Variants in GLG1 observed in about 807,000 individuals in gnomAD.
The protein encoded by GLG1 is Golgi apparatus protein 1.
GLG1 carries 38 observed loss-of-function variants against 160.5 expected under a neutral mutation model. The observed-to-expected ratio is 0.24, with a 90% confidence interval of 0.18 to 0.31. The LOEUF (loss-of-function observed/expected upper bound fraction) is 0.31. GLG1 is among the 10% of genes least tolerant of loss of function. The pLI, the probability that GLG1 is intolerant of heterozygous loss-of-function variation, is 1.00. For missense variants in GLG1, 1,373 were observed against 1,505.2 expected (o/e 0.91, Z 1.45); for synonymous variants, 644 against 543.4 (o/e 1.19, Z -2.57).
intron 1 of GLG1, among the ~76,000 whole-genome samples, chr16:74,552,921 A>T (rs2018242740): frequency 6.6e-6 from 1 of 151,878 alleles, no homozygotes; most frequent in Non-Finnish European, 1.5e-5. Context: ...ACTTTTTTTA[A>T]AAAAAACTTG....
At chr16:74,583,471 C>T (rs1433047738) in intron 1 of GLG1, among the ~76,000 whole-genome samples, 1 of 152,170 alleles carries the variant, frequency 6.6e-6, no homozygotes. Context: ...ACCTCCATCT[C>T]CCGGGTTCAA....
At position 74,471,194 on chromosome 16, in the gene GLG1, G is replaced by T. The variant is rs374414523; in HGVS notation, c.2208C>A (p.Ile736=). 6 of 1,605,760 alleles carry T rather than the reference G, an allele frequency of 3.7e-6. No individual in the cohort carries two copies. The highest frequency in any genetic ancestry group is 2.7e-5 in the African/African-American group (2 of 74,778). The change falls in exon 15 of 26, where the codon ATC becomes ATA. Residue 736 remains isoleucine (I), a synonymous_variant. Coordinates refer to ENST00000422840, the MANE Select transcript of GLG1 (RefSeq NM_001145667.2). ...TGACCAGCTGGAAGTGGGTAACTCC[G>T]ATGGCACACTTCTCGTTCATGTCCT... ...HQKDMNEKCA[I]GVTHFQLVQM...
At chr16:74,516,627 A>G (rs565911042) in intron 2 of GLG1, among the ~76,000 whole-genome samples, 12 of 152,348 alleles carry the variant, frequency 7.9e-5, no homozygotes, top group African/African-American at 2.9e-4. Context: ...TTGACACCCT[A>G]ACATCATAAT....
At chr16:74,551,825 A>G (rs2018206595) in intron 1 of GLG1, among the ~76,000 whole-genome samples, 1 of 152,012 alleles carries the variant, frequency 6.6e-6, no homozygotes, top group African/African-American at 2.4e-5. Flanking sequence ...TATCTTTTTA[A>G]GATACTTTTT....
intron 1 of GLG1, among the ~76,000 whole-genome samples, chr16:74,547,498 A>G (rs578085847): frequency 1.3e-5 from 2 of 152,334 alleles, no homozygotes; most frequent in East Asian, 1.9e-4. Flanking sequence ...TTTCACATTT[A>G]GCATTCTTTT....
intron 1 of GLG1, among the ~76,000 whole-genome samples, chr16:74,600,192 G>C (rs1330805491): frequency 6.6e-6 from 1 of 152,152 alleles, no homozygotes; most frequent in Non-Finnish European, 1.5e-5. Context: ...ATATATTAGA[G>C]AAGTATACCT....
intron 3 of GLG1, among the ~76,000 whole-genome samples, chr16:74,507,600 G>A (rs2016658271): frequency 6.6e-6 from 1 of 152,228 alleles, no homozygotes; most frequent in Admixed American, 6.5e-5. Flanking sequence ...GCCAGTCCTG[G>A]TGGCATGTGC....
chr16:74,521,568 C>A (rs1338352443), intron 2 of GLG1, among the ~76,000 whole-genome samples: 1 of 152,010 alleles, frequency 6.6e-6, no homozygotes, highest in Non-Finnish European at 1.5e-5. Flanking sequence ...ATAGAGGAGC[C>A]ACTAGTGGGG....
chr16:74,529,336 T>C (rs910148952), intron 2 of GLG1, among the ~76,000 whole-genome samples: 1 of 152,116 alleles, frequency 6.6e-6, no homozygotes, highest in African/African-American at 2.4e-5. Context: ...ATTTCTGAAA[T>C]TACATTTAGT....
chr16:74,486,846 G>A (rs2015800890), intron 8 of GLG1, among the ~76,000 whole-genome samples: 1 of 152,050 alleles, frequency 6.6e-6, no homozygotes, highest in South Asian at 2.1e-4. Context: ...AAACTGCAAA[G>A]CATTTTACAG....
intron 1 of GLG1, among the ~76,000 whole-genome samples, chr16:74,567,554 C>CTTTTTTTTTTTTTT (rs869140658): frequency 1.5e-5 from 1 of 66,450 alleles, no homozygotes; most frequent in Non-Finnish European, 2.6e-5. Context: ...GGTGCACTTT[C>CTTTTTTTTTTTTTT]TTTTTTTTTT....
intron 1 of GLG1, among the ~76,000 whole-genome samples, chr16:74,570,420 C>A (rs998645968): frequency 2.6e-5 from 4 of 152,048 alleles, no homozygotes; most frequent in Admixed American, 2.0e-4. Flanking sequence ...TAGGAATAAA[C>A]TGCTCAATAG....
intron 1 of GLG1, among the ~76,000 whole-genome samples, chr16:74,564,405 C>T (rs563101038): frequency 6.6e-6 from 1 of 152,318 alleles, no homozygotes; most frequent in South Asian, 2.1e-4. Context: ...ACTCCAAACT[C>T]TTAGTATTAT....
At chr16:74,552,423 A>C in intron 1 of GLG1, 1 of 553,394 alleles carries the variant, frequency 1.8e-6, no homozygotes, top group Non-Finnish European at 3.6e-6. Context: ...TCTTAAGGCT[A>C]CATGAAGGAA....
intron 19 of GLG1, among the ~76,000 whole-genome samples, chr16:74,464,409 T>A (rs3785312): frequency 0.31 from 47,400 of 152,072 alleles, 7,603 homozygotes; most frequent in Middle Eastern, 0.39. Flanking sequence ...TAGGGTCCTG[T>A]ACACTTACTG....
At chr16:74,583,058 A>G (rs1957972996) in intron 1 of GLG1, among the ~76,000 whole-genome samples, 1 of 151,868 alleles carries the variant, frequency 6.6e-6, no homozygotes, top group Non-Finnish European at 1.5e-5. Context: ...ACTCCTGTAA[A>G]TCTTCTTGTA....
chr16:74,515,775 C>T (rs1247162583), intron 2 of GLG1, among the ~76,000 whole-genome samples: 2 of 151,514 alleles, frequency 1.3e-5, no homozygotes, highest in Non-Finnish European at 2.9e-5. Flanking sequence ...AGAGTCAAGA[C>T]CCATCAGTGT....
rs2016496388 is a variant in GLG1 at position 74,503,676 on chromosome 16, T to C, written c.629A>G (p.Asn210Ser). ...MVSCLVDHRG[N>S]ITEYQCHQYI... Reference sequence around the variant, plus strand: ...CTGGTGACACTGATACTCAGTGATGTTGCCTCGGTGATCCACCAAGCAGGA... The same window carrying C: ...CTGGTGACACTGATACTCAGTGATGCTGCCTCGGTGATCCACCAAGCAGGA... The change falls in exon 4 of 26, where the codon AAC becomes AGC. Residue 210 changes from asparagine (N) to serine (S), a missense_variant. By Grantham distance (46) the Asn-to-Ser change is conservative (BLOSUM62 1). Coordinates refer to ENST00000422840, the MANE Select transcript of GLG1 (RefSeq NM_001145667.2). 6.2e-7 allele frequency: 1 copy of C among 1,612,840 alleles called. No homozygotes were observed. The highest frequency in any genetic ancestry group is 1.7e-5 in the Admixed American group (1 of 60,006).
intron 1 of GLG1, among the ~76,000 whole-genome samples, chr16:74,594,343 A>T (rs1433196070): frequency 2.6e-5 from 4 of 152,240 alleles, no homozygotes; most frequent in Non-Finnish European, 5.9e-5. Flanking sequence ...GTGTTATTCA[A>T]GCCTTTAATA....
Sources: gnomAD v4.1 joint callset for allele counts (sites outside exome capture counted in the v4.1 genomes callset) on GRCh38, gnomAD v4.1.1 for gene constraint, MANE v1.5 for transcripts, NCBI Gene and HGNC (gene_info 2026-07-23, HGNC 2026-07-21) for gene names.